OR2B3: variants seen among roughly 807,000 people sequenced by gnomAD.
OR2B3 encodes olfactory receptor family 2 subfamily B member 3, also known as putative olfactory receptor 2B3.
For synonymous variants in OR2B3, 123 were observed against 133.8 expected (o/e 0.92, Z 0.56); for missense variants, 341 against 374.8 (o/e 0.91, Z 0.74).
In OR2B3 at chr6:29,086,782, G is replaced by C. The variant is rs764761157; in HGVS notation, c.467C>G (p.Ser156Ter). 1 of 1,613,998 alleles carries C rather than the reference G, an allele frequency of 6.2e-7. No homozygotes were observed. The highest frequency in any genetic ancestry group is 1.3e-5 in the African/African-American group (1 of 74,920). ...AFSWLIGFGN[S>*]VLQSSLTLNM... ...AAGAGTCAAGGAAGACTGCAGCACTGAGTTGCCGAAACCAATGAGCCATGA... is the reference window on the plus strand; with the variant it reads ...AAGAGTCAAGGAAGACTGCAGCACTCAGTTGCCGAAACCAATGAGCCATGA... Residue 156 changes from serine (S) to a stop codon, truncating the protein, a stop_gained, in exon 1 of 1, where the codon TCA becomes TGA. Transcript: ENST00000377173. LOFTEE classifies it low-confidence loss of function (END_TRUNC).
Position 29,086,686 on chromosome 6 carries a change from G to A in OR2B3, c.563C>T (p.Ser188Leu). ...CTCAATAGGCTTTGTGTCAGCACAT[G>A]ACAACTTGAGAAGTGCAGGCACCTC... The part of the protein sequence containing the change: ...FCEVPALLKL[S>L]CADTKPIEAE... Residue 188 changes from serine to leucine, a missense_variant, in exon 1 of 1, where the codon TCA (serine) becomes TTA (leucine). Coordinates refer to ENST00000377173, the MANE Select transcript of OR2B3 (RefSeq NM_001005226.2). The A allele has an allele frequency of 6.2e-7, 1 of 1,614,152 alleles. No homozygotes were observed. Among genetic ancestry groups the A allele is most frequent in the Non-Finnish European group, 8.5e-7 (1 of 1,180,012 alleles).
Position 29,087,233 on chromosome 6 carries a change from C to T in OR2B3, c.16G>A (p.Glu6Lys). The stretch of plus-strand genomic sequence containing the variant: ...AGTATAAACTCTTTTGGGGAGCTCT[C>T]ATTTTCCCAATTCATGATGACTCAC... MNWEN[E>K]SSPKEFILLG... Residue 6 changes from glutamate to lysine, a missense_variant, in exon 1 of 1, where the codon GAG (glutamate) becomes AAG (lysine). Glu to Lys is a moderately conservative substitution (Grantham distance 56). Coordinates refer to ENST00000377173, the MANE Select transcript of OR2B3 (RefSeq NM_001005226.2). 1 of 1,600,504 alleles carries T rather than the reference C, an allele frequency of 6.2e-7. No individual in the cohort carries two copies. Among genetic ancestry groups the T allele is most frequent in the Non-Finnish European group, 8.5e-7 (1 of 1,172,188 alleles).
In OR2B3 at chr6:29,087,079, G is replaced by A. The variant is rs896326764; in HGVS notation, c.170C>T (p.Thr57Ile). The A allele has an allele frequency of 5.0e-6, 8 of 1,614,168 alleles. No individual in the cohort carries two copies. Among genetic ancestry groups the A allele is most frequent in the African/African-American group, 1.3e-5 (1 of 75,038 alleles). ...ATTAGTGAGAAAGAAATACATGGGA[G>A]TATGAAGTTTGGGATCCAGAATGCA... The part of the protein sequence containing the change: ...MVCILDPKLH[T>I]PMYFFLTNLS... The change falls in exon 1 of 1, where the codon ACT becomes ATT. Residue 57 changes from threonine to isoleucine, a missense_variant. Coordinates refer to ENST00000377173, the MANE Select transcript of OR2B3 (RefSeq NM_001005226.2).
rs1760633956 is a variant in OR2B3, at chr6:29,086,851, A to G, written c.398T>C (p.Val133Ala). 1.2e-6 allele frequency: 2 copies of G among 1,614,186 alleles called. No homozygotes were observed. The highest frequency in any genetic ancestry group is 8.5e-7 in the Non-Finnish European group (1 of 1,180,020). Reference sequence around the variant, plus strand: ...GCAGAACCAATAATTCATGATGACTACATAGTGGAGGGGTCTGCAAACAGC... The same window carrying G: ...GCAGAACCAATAATTCATGATGACTGCATAGTGGAGGGGTCTGCAAACAGC... ...YVAVCRPLHYVVIMNYWFCLR... is the reference protein window; with the variant it reads ...YVAVCRPLHYAVIMNYWFCLR... The change falls in exon 1 of 1, where the codon GTA (valine) becomes GCA (alanine). Residue 133 changes from valine to alanine, a missense_variant. Coordinates refer to ENST00000377173, the MANE Select transcript of OR2B3 (RefSeq NM_001005226.2).
rs1177212617 is a variant in OR2B3, at chr6:29,087,098, G to C, written c.151C>G (p.Leu51Val). The C allele has an allele frequency of 8.1e-6, 13 of 1,614,076 alleles. No homozygotes were observed. The highest frequency in any genetic ancestry group is 8.5e-6 in the Non-Finnish European group (10 of 1,180,036). ...ATGGGAGTATGAAGTTTGGGATCCA[G>C]AATGCACACCATCATGATGGACACA... Reference protein sequence around the residue: ...GNVSIMMVCILDPKLHTPMYF... With the variant: ...GNVSIMMVCIVDPKLHTPMYF... Residue 51 changes from leucine (L) to valine (V), a missense_variant, in exon 1 of 1, where the codon CTG (leucine) becomes GTG (valine). Transcript: ENST00000377173.
Position 29,086,800 on chromosome 6 carries a change from A to C in OR2B3, c.449T>G (p.Leu150Arg). The C allele has an allele frequency of 2.5e-6, 4 of 1,614,144 alleles. No individual in the cohort carries two copies. The highest frequency in any genetic ancestry group is 3.4e-6 in the Non-Finnish European group (4 of 1,180,002). The change falls in exon 1 of 1, where the codon CTC becomes CGC. Residue 150 changes from leucine to arginine, a missense_variant. Coordinates refer to ENST00000377173, the MANE Select transcript of OR2B3 (RefSeq NM_001005226.2). ...FCLRMAAFSW[L>R]IGFGNSVLQS... The stretch of plus-strand genomic sequence containing the variant: ...CAGCACTGAGTTGCCGAAACCAATG[A>C]GCCATGAGAAGGCTGCCATCCTTAG...
In OR2B3 at chr6:29,086,317, C is replaced by T. The variant is rs778953672; in HGVS notation, c.932G>A (p.Cys311Tyr). The stretch of plus-strand genomic sequence containing the variant: ...ACAATGGAGTACTTCTTATTTCTTA[C>T]AGAAAAAGATTCTTGGCATCAGCCT... Reference protein sequence around the residue: ...FKRLMPRIFFCKK With the variant: ...FKRLMPRIFFYKK Residue 311 changes from cysteine (C) to tyrosine (Y), a missense_variant, in exon 1 of 1, where the codon TGT becomes TAT. Coordinates refer to ENST00000377173, the MANE Select transcript of OR2B3 (RefSeq NM_001005226.2). 3.9e-5 allele frequency: 62 copies of T among 1,574,698 alleles called. 1 individual carries two copies. The Middle Eastern group carries it at 6.9e-4, about 17-fold the overall frequency.
Position 29,086,933 on chromosome 6 carries a change from C to T in OR2B3, c.316G>A (p.Ala106Thr), listed in dbSNP as rs546753905. Residue 106 changes from alanine (A) to threonine (T), a missense_variant, in exon 1 of 1, where the codon GCC (alanine) becomes ACC (threonine). Ala to Thr is a moderately conservative substitution (Grantham distance 58). Transcript: ENST00000377173. ...AGGAGACACTCTGTAGCACCTAGGGCCAGGAAGATGATGAGGTGGGCCACA... is the reference window on the plus strand; with the variant it reads ...AGGAGACACTCTGTAGCACCTAGGGTCAGGAAGATGATGAGGTGGGCCACA... ...GCVAHLIIFL[A>T]LGATECLLLA... The T allele has an allele frequency of 1.2e-6, 2 of 1,614,102 alleles. No individual in the cohort carries two copies. Among genetic ancestry groups the T allele is most frequent in the East Asian group, 2.2e-5 (1 of 44,884 alleles).
rs992363379 is a variant in OR2B3 at position 29,087,016 on chromosome 6, A to G, written c.233T>C (p.Val78Ala). 6.2e-7 allele frequency: 1 copy of G among 1,614,186 alleles called. No homozygotes were observed. The highest frequency in any genetic ancestry group is 1.7e-5 in the Admixed American group (1 of 60,022). The change falls in exon 1 of 1, where the codon GTC becomes GCC. Residue 78 changes from valine to alanine, a missense_variant. By Grantham distance (64) the Val-to-Ala change is moderately conservative. Transcript: ENST00000377173. ...ILDLCYTTTT[V>A]PHMLVNIGCN... ...ACCAATATTTACCAACATATGAGGGACTGTAGTTGTGGTATAGCAGAGATC... is the reference window on the plus strand; with the variant it reads ...ACCAATATTTACCAACATATGAGGGGCTGTAGTTGTGGTATAGCAGAGATC...
In OR2B3 at chr6:29,086,964, A is replaced by G. The variant is rs1184097026; in HGVS notation, c.285T>C (p.Ala95=). 1.2e-6 allele frequency: 2 copies of G among 1,614,270 alleles called. No individual in the cohort carries two copies. The highest frequency in any genetic ancestry group is 1.7e-6 in the Non-Finnish European group (2 of 1,180,046). The change falls in exon 1 of 1, where the codon GCT becomes GCC. Residue 95 remains alanine, a synonymous_variant. Coordinates refer to ENST00000377173, the MANE Select transcript of OR2B3 (RefSeq NM_001005226.2). ...IGCNKKTISY[A]GCVAHLIIFL... ...AGATGATGAGGTGGGCCACACAGCC[A>G]GCATAGCTGATGGTCTTTTTGTTGC...
Position 29,087,302 on chromosome 6 carries a change from ATGTT to A in OR2B3, c.-58_-55del. On this transcript the variant is annotated 5_prime_UTR_variant, in exon 1 of 1. Transcript: ENST00000377173. ...AAAATGTAAGATAGGAAAGCAATCA[ATGTT>A]TGTTTATTGAATACTCTTACTGGAG... 2 of 1,153,366 alleles carry A rather than the reference ATGTT, an allele frequency of 1.7e-6. No homozygotes were observed. The highest frequency in any genetic ancestry group is 2.5e-6 in the Non-Finnish European group (2 of 799,568). 71.4% of individuals were successfully genotyped at this position (1,153,366 alleles called of 1,614,324 possible).
rs201650828 is a variant in OR2B3, at chr6:29,086,937, G to C, written c.312C>G (p.Phe104Leu). ...GACACTCTGTAGCACCTAGGGCCAG[G>C]AAGATGATGAGGTGGGCCACACAGC... ...YAGCVAHLII[F>L]LALGATECLL... The change falls in exon 1 of 1, where the codon TTC becomes TTG. Residue 104 changes from phenylalanine to leucine, a missense_variant. Physicochemically the swap from Phe to Leu is conservative, Grantham distance 22. Coordinates refer to ENST00000377173, the MANE Select transcript of OR2B3 (RefSeq NM_001005226.2). 3.8e-4 allele frequency: 619 copies of C among 1,614,228 alleles called. 4 individuals carry two copies. Among genetic ancestry groups the C allele is most frequent in the Non-Finnish European group, 6.2e-5 (73 of 1,180,036 alleles).
chr6:29,086,218 C>A lies in OR2B3; in HGVS notation c.*89G>T. 1.2e-6 allele frequency: 1 copy of A among 837,972 alleles called. No individual in the cohort carries two copies. Among genetic ancestry groups the A allele is most frequent in the Non-Finnish European group, 1.8e-6 (1 of 543,438 alleles). The allele number at this position is 837,972 out of a possible 1,614,324, so 51.9% of individuals were successfully genotyped here. A position where few individuals can be genotyped will look rare whatever the true frequency, so the allele number is the denominator to read the frequency against. On this transcript the variant is annotated 3_prime_UTR_variant, in exon 1 of 1. Coordinates refer to ENST00000377173, the MANE Select transcript of OR2B3 (RefSeq NM_001005226.2). ...CAGAATTTAGTGAAATCACCAGAGC[C>A]TGGAAAATAGGAAAATGAGTTCAAA...
Position 29,087,105 on chromosome 6 carries a change from C to T in OR2B3, c.144G>A (p.Val48=), listed in dbSNP as rs1430681209. 1 of 1,614,098 alleles carries T rather than the reference C, an allele frequency of 6.2e-7. No individual in the cohort carries two copies. Among genetic ancestry groups the T allele is most frequent in the Non-Finnish European group, 8.5e-7 (1 of 1,179,994 alleles). The change falls in exon 1 of 1, where the codon GTG becomes GTA. Residue 48 remains valine (V), a synonymous_variant. Transcript: ENST00000377173. The part of the protein sequence containing the change: ...TIFGNVSIMM[V]CILDPKLHTP... ...TATGAAGTTTGGGATCCAGAATGCA[C>T]ACCATCATGATGGACACATTGCCAA...
rs375484107 is a variant in OR2B3, at chr6:29,087,164, C to T, written c.85G>A (p.Val29Met). 6.2e-7 allele frequency: 1 copy of T among 1,613,824 alleles called. No individual in the cohort carries two copies. Among genetic ancestry groups the T allele is most frequent in the Non-Finnish European group, 8.5e-7 (1 of 1,179,938 alleles). ...DRAWLQMPLF[V>M]VLLISYTITI... Reference sequence around the variant, plus strand: ...ATTGTGTATGATATTAACAGGACCACAAAAAGGGGCATTTGTAGCCAAGCC... The same window carrying T: ...ATTGTGTATGATATTAACAGGACCATAAAAAGGGGCATTTGTAGCCAAGCC... The change falls in exon 1 of 1, where the codon GTG becomes ATG. Residue 29 changes from valine to methionine, a missense_variant. Coordinates refer to ENST00000377173, the MANE Select transcript of OR2B3 (RefSeq NM_001005226.2).
At position 29,087,266 on chromosome 6, in the gene OR2B3, G is replaced by A. The variant is rs115356577; in HGVS notation, c.-18C>T. ...CAATTCATGATGACTCACTTATTTC[G>A]CACTCCTAAAAAAATGTAAGATAGG... On this transcript the variant is annotated 5_prime_UTR_variant, in exon 1 of 1. Transcript: ENST00000377173. The A allele has an allele frequency of 1.0e-3, 1,587 of 1,517,686 alleles. 9 individuals are homozygous for A. Among genetic ancestry groups the A allele is most frequent in the African/African-American group, 9.5e-3 (683 of 72,212 alleles). The allele number at this position is 1,517,686 out of a possible 1,614,324, so 94.0% of individuals were successfully genotyped here.
chr6:29,087,211 A>G lies in OR2B3; in HGVS notation c.38T>C (p.Ile13Thr), dbSNP rs761474157. ...AGCCCTATCTGAGAAGCCAAGTAGT[A>G]TAAACTCTTTTGGGGAGCTCTCATT... is the stretch of plus-strand genomic sequence containing the variant. The part of the protein sequence containing the change: ...WENESSPKEF[I>T]LLGFSDRAWL... Residue 13 changes from isoleucine to threonine, a missense_variant, in exon 1 of 1, where the codon ATA becomes ACA. Ile to Thr is a moderately conservative substitution (Grantham distance 89). Transcript: ENST00000377173. The G allele has an allele frequency of 1.2e-6, 2 of 1,613,274 alleles. No individual in the cohort carries two copies. The highest frequency in any genetic ancestry group is 1.7e-6 in the Non-Finnish European group (2 of 1,179,402).
rs760658641 is a variant in OR2B3, at chr6:29,087,222, T to C, written c.27A>G (p.Pro9=). 1.2e-5 allele frequency: 20 copies of C among 1,605,708 alleles called. No homozygotes were observed. The South Asian group carries it at 2.0e-4, about 16-fold the overall frequency. ...AGAAGCCAAGTAGTATAAACTCTTT[T>C]GGGGAGCTCTCATTTTCCCAATTCA... MNWENESS[P]KEFILLGFSD... is the part of the protein sequence containing the mutation. Residue 9 remains proline, a synonymous_variant, in exon 1 of 1, where the codon CCA becomes CCG. Transcript: ENST00000377173.
In OR2B3 at chr6:29,087,150, T is replaced by C; in HGVS notation, c.99A>G (p.Ile33Met). The C allele has an allele frequency of 6.2e-7, 1 of 1,614,154 alleles. No homozygotes were observed. The highest frequency in any genetic ancestry group is 8.5e-7 in the Non-Finnish European group (1 of 1,179,998). Residue 33 changes from isoleucine to methionine, a missense_variant, in exon 1 of 1, where the codon ATA (isoleucine) becomes ATG (methionine). By Grantham distance (10) the Ile-to-Met change is conservative (BLOSUM62 1). Transcript: ENST00000377173. ...TGCCAAATATGGTGATTGTGTATGA[T>C]ATTAACAGGACCACAAAAAGGGGCA... Reference protein sequence around the residue: ...LQMPLFVVLLISYTITIFGNV... With the variant: ...LQMPLFVVLLMSYTITIFGNV...
Sources: allele counts gnomAD v4.1 joint callset, GRCh38; gene constraint gnomAD v4.1.1; transcripts MANE v1.5; gene names NCBI Gene and HGNC (gene_info 2026-07-23, HGNC 2026-07-21).